The following CEACAM21 variants were observed in gnomAD, a reference collection of about 807,000 sequenced individuals.
CEACAM21 encodes the protein cell adhesion molecule CEACAM21.
CEACAM21 carries 38 observed loss-of-function variants against 33.2 expected under a neutral mutation model. That is an observed-to-expected ratio of 1.14 (90% CI 0.88 to 1.50). The LOEUF (loss-of-function observed/expected upper bound fraction) is 1.50. CEACAM21 is among the 40% of genes most tolerant of loss of function. The pLI is 0.00. For synonymous variants in CEACAM21, 156 were observed against 143.0 expected, an observed-to-expected ratio of 1.09 and a Z score of -0.65; for missense variants, 385 against 364.6, an observed-to-expected ratio of 1.06 and a Z score of -0.46.
rs923055912 is a variant in CEACAM21 at position 41,584,913 on chromosome 19, C to T, written c.797+470C>T. 5.3e-5 allele frequency among the ~76,000 whole-genome samples: 8 copies of T among 152,288 alleles called. No homozygotes were observed. The East Asian group carries it at 5.8e-4, about 11-fold the overall frequency. ...ACACTGAGCTGTGAGAAGGGAGAAC[C>T]GGGGCCCCAATATGGCATATCCTGG... On this transcript the variant is annotated intron_variant, in intron 4 of 6. Coordinates refer to ENST00000401445, the MANE Select transcript of CEACAM21 (RefSeq NM_001098506.4).
rs1555790966 is a variant in CEACAM21 at position 41,576,255 on chromosome 19, C to T, written c.-20C>T. 1.2e-6 allele frequency: 2 copies of T among 1,613,842 alleles called. No homozygotes were observed. The highest frequency in any genetic ancestry group is 3.3e-5 in the Admixed American group (2 of 59,998). On this transcript the variant is annotated 5_prime_UTR_variant, in exon 1 of 7. Transcript: ENST00000401445. ...CCAAGCTCCTCTCCACAGAGGAGGA[C>T]AGAGCAGGCAGCAGAGACCATGGGG... is the stretch of plus-strand genomic sequence containing the variant.
intron 5 of CEACAM21, 143 bp downstream of exon 5, chr19:41,585,638 C>A (rs1329216596): frequency 5.5e-5 from 61 of 1,105,488 alleles, no homozygotes; most frequent in Non-Finnish European, 8.0e-5. Context: ...ACAGGAAACC[C>A]CAACTGGCCG....
chr19:41,567,147 G>T (rs1379386280), intron 2 of CEACAM21, among the ~76,000 whole-genome samples: 2 of 152,030 alleles, frequency 1.3e-5, no homozygotes, highest in African/African-American at 4.8e-5. Flanking sequence ...TGTACTATAA[G>T]GAAACATATA....
At chr19:41,574,991 G>C (rs35834169), upstream of CEACAM21, among the ~76,000 whole-genome samples, 9,073 of 152,218 alleles carry the variant, frequency 0.06, 600 homozygotes, top group East Asian at 0.37. Context: ...CATATATTGG[G>C]ATATTACTCA....
chr19:41,577,571 C>T lies in CEACAM21; in HGVS notation c.424+12C>T, dbSNP rs782645857. ...TCTCCGTGTATACGGTGAGTGATTC[C>T]TCCGTGCCTCTGGGTGTTGGGGGTC... On this transcript the variant is annotated intron_variant, in intron 2 of 6. Transcript: ENST00000401445. 2 of 1,611,758 alleles carry T rather than the reference C, an allele frequency of 1.2e-6. No homozygotes were observed. Among genetic ancestry groups the T allele is most frequent in the Admixed American group, 1.7e-5 (1 of 59,510 alleles).
At chr19:41,573,529 G>C (rs1036655242), upstream of CEACAM21, among the ~76,000 whole-genome samples, 3 of 152,142 alleles carry the variant, frequency 2.0e-5, no homozygotes, top group African/African-American at 7.2e-5. Flanking sequence ...AAACCCCAGA[G>C]GACAAACAAG....
At chr19:41,562,797 C>T (rs1415498540) in intron 1 of CEACAM21, among the ~76,000 whole-genome samples, 1 of 151,918 alleles carries the variant, frequency 6.6e-6, no homozygotes, top group African/African-American at 2.4e-5. Context: ...GGCGCGATCT[C>T]GGCGCAGTGC....
At chr19:41,565,384 C>T (rs2042186410) in intron 2 of CEACAM21, among the ~76,000 whole-genome samples, 1 of 152,150 alleles carries the variant, frequency 6.6e-6, no homozygotes, top group African/African-American at 2.4e-5. Context: ...GGGGATCAGC[C>T]CTGAGAGCCA....
chr19:41,558,973 T>C (rs1361533305), intron 1 of CEACAM21, among the ~76,000 whole-genome samples: 1 of 152,268 alleles, frequency 6.6e-6, no homozygotes, highest in African/African-American at 2.4e-5. Flanking sequence ...TTGGCATCTC[T>C]GTCTTTAAAA....
upstream of CEACAM21, among the ~76,000 whole-genome samples, chr19:41,574,396 A>T (rs189749879): frequency 2.6e-5 from 4 of 152,356 alleles, no homozygotes; most frequent in East Asian, 7.7e-4. Flanking sequence ...CACCATGAAG[A>T]AAGTGAGAAG....
intron 1 of CEACAM21, among the ~76,000 whole-genome samples, chr19:41,556,814 AG>A (rs2041561914): frequency 6.6e-6 from 1 of 152,170 alleles, no homozygotes. Flanking sequence ...TTTTTTTGGC[AG>A]GGGGTCAGAT....
chr19:41,565,271 G>A (rs1555788044), intron 2 of CEACAM21, among the ~76,000 whole-genome samples: 1 of 152,138 alleles, frequency 6.6e-6, no homozygotes, highest in Non-Finnish European at 1.5e-5. Context: ...AGGAGGCACA[G>A]TGGGGAGGAG....
chr19:41,581,098 T>A (rs2043341961), intron 3 of CEACAM21, among the ~76,000 whole-genome samples: 1 of 152,168 alleles, frequency 6.6e-6, no homozygotes, highest in Non-Finnish European at 1.5e-5. Context: ...ATAAACAAAA[T>A]CTCTGCAGCA....
Position 41,585,987 on chromosome 19 carries a change from G to A in CEACAM21, c.*116G>A, listed in dbSNP as rs567080241. 5 of 1,087,372 alleles carry A rather than the reference G, an allele frequency of 4.6e-6. No individual in the cohort carries two copies. In the African/African-American group the frequency reaches 6.2e-5, roughly 14 times the overall value. The allele number at this position is 1,087,372 out of a possible 1,614,324, so 67.4% of individuals were successfully genotyped here. ...ACCCTACCCAGAATGACTTGGATAA[G>A]GTTAGACCTGCCCTGGCCATGAGCT... On this transcript the variant is annotated intron_variant, in intron 6 of 6. Transcript: ENST00000401445.
intron 1 of CEACAM21, 133 bp downstream of exon 1, chr19:41,576,471 G>A: frequency 4.2e-6 from 4 of 954,792 alleles, no homozygotes; most frequent in Non-Finnish European, 3.0e-6. Context: ...AGCGTCTAAG[G>A]AGAACCAAAA....
At chr19:41,572,378 C>A (rs75770475), upstream of CEACAM21, among the ~76,000 whole-genome samples, 7 of 152,146 alleles carry the variant, frequency 4.6e-5, no homozygotes, top group Admixed American at 2.0e-4. Flanking sequence ...CACCCCCTCC[C>A]AGAGCAAACT....
intron 6 of CEACAM21, 121 bp from the exon 7 acceptor site, chr19:41,586,343 A>T (rs1484499649): frequency 1.7e-6 from 1 of 602,410 alleles, no homozygotes; most frequent in African/African-American, 1.8e-5. Flanking sequence ...GCCTGGGAGC[A>T]GGAACCCCCT....
upstream of CEACAM21, among the ~76,000 whole-genome samples, chr19:41,574,039 C>T (rs185957326): frequency 1.1e-4 from 16 of 152,298 alleles, no homozygotes; most frequent in East Asian, 3.1e-3. Context: ...CAGAAATAAA[C>T]CCTCACCATT....
At chr19:41,575,879 A>T (rs547200882), upstream of CEACAM21, among the ~76,000 whole-genome samples, 1 of 152,156 alleles carries the variant, frequency 6.6e-6, no homozygotes, top group Non-Finnish European at 1.5e-5. Context: ...CCCAGGGCCC[A>T]GCTGGTTTTG....
Sources: allele counts gnomAD v4.1 joint callset (sites outside exome capture counted in the v4.1 genomes callset), GRCh38; gene constraint gnomAD v4.1.1; transcripts MANE v1.5; gene names NCBI Gene and HGNC (gene_info 2026-07-23, HGNC 2026-07-21).